Variants in IGSF1 observed in about 807,000 individuals in gnomAD.
The protein encoded by IGSF1 is immunoglobulin superfamily member 1.
A neutral mutation model predicts 95.3 loss-of-function variants in IGSF1; 40 were observed. That is an observed-to-expected ratio of 0.42 (90% CI 0.33 to 0.55). The LOEUF is 0.55. Among genes scored for constraint, IGSF1 ranks in the 20% least tolerant of loss-of-function variants. IGSF1 has a pLI of 0.10. For missense variants in IGSF1, 906 were observed against 1,025.4 expected, an observed-to-expected ratio of 0.88 and a Z score of 1.59; for synonymous variants, 372 against 382.9, an observed-to-expected ratio of 0.97 and a Z score of 0.33.
At position 131,274,128 on chromosome X, in the gene IGSF1, A is replaced by G; in HGVS notation, c.3830T>C (p.Val1277Ala). ...CTTCTTCCACTCTATGGCTAGCACT[A>G]CCCCCAAGGCTACAACAACCACCAC... is the stretch of plus-strand genomic sequence containing the variant. ...LIVVVVVALG[V>A]VLAIEWKKWP... Residue 1277 changes from valine to alanine, a missense_variant, in exon 19 of 20, where the codon GTA (valine) becomes GCA (alanine). Around this residue, in one of 5 missense-constraint regions of IGSF1, gnomAD observed 411 missense variants for 494.9 expected, o/e 0.83. Coordinates refer to ENST00000361420, the MANE Select transcript of IGSF1 (RefSeq NM_001555.5). The G allele has an allele frequency of 8.3e-7, 1 of 1,210,817 alleles. No homozygotes were observed. Among genetic ancestry groups the G allele is most frequent in the Non-Finnish European group, 1.1e-6 (1 of 895,150 alleles).
intron 5 of IGSF1, chrX:131,284,843 G>A: frequency 1.1e-6 from 1 of 877,249 alleles, no homozygotes; most frequent in Non-Finnish European, 1.4e-6. Context: ...CAGTGGCAGT[G>A]CCTGGCACAT....
chrX:131,277,050 G>T lies in IGSF1; in HGVS notation c.2497C>A (p.His833Asn). The T allele has an allele frequency of 8.3e-7, 1 of 1,210,982 alleles. No individual in the cohort carries two copies. The highest frequency in any genetic ancestry group is 1.1e-6 in the Non-Finnish European group (1 of 895,110). ...SWASPGASAA[H>N]FLIISVGIGD... Reference sequence around the variant, plus strand: ...ATGCCCACCGAAATGATTAGAAAGTGAGCTGCACTGGCCCCCGGACTTGCC... The same window carrying T: ...ATGCCCACCGAAATGATTAGAAAGTTAGCTGCACTGGCCCCCGGACTTGCC... Residue 833 changes from histidine (H) to asparagine (N), a missense_variant, in exon 14 of 20, where the codon CAC (histidine) becomes AAC (asparagine). Physicochemically the swap from His to Asn is moderately conservative, Grantham distance 68. Coordinates refer to ENST00000361420, the MANE Select transcript of IGSF1 (RefSeq NM_001555.5).
chrX:131,281,517 G>A lies in IGSF1; in HGVS notation c.1525+149C>T, dbSNP rs779625875. The A allele has an allele frequency of 3.5e-6, 3 of 859,674 alleles. No homozygotes were observed. The African/African-American group carries it at 6.1e-5, about 18-fold the overall frequency. The allele number at this position is 859,674 out of a possible 1,213,427, so 70.8% of individuals were successfully genotyped here. A position where few individuals can be genotyped will look rare whatever the true frequency, so the allele number is the denominator to read the frequency against. ...AAATTATCCTGCTAACTGCCTTTGA[G>A]GAATTGTGAGACCACCCCAGGGGAA... On this transcript the variant is annotated intron_variant, in intron 8 of 19. Transcript: ENST00000361420.
chrX:131,281,308 T>C lies in IGSF1; in HGVS notation c.1556A>G (p.Glu519Gly). The change falls in exon 9 of 20, where the codon GAA becomes GGA. Residue 519 changes from glutamate to glycine, a missense_variant. Glu to Gly is a moderately conservative substitution (Grantham distance 98). Transcript: ENST00000361420. ...CATGATTAGAGACAACCTGATAGCT[T>C]CATTCAGAACGTAATTCCAGGTGAG... ...GYLTWNYVLN[E>G]AIRLSLIMQL... The C allele has an allele frequency of 7.4e-6, 9 of 1,210,959 alleles. No homozygotes were observed. Among genetic ancestry groups the C allele is most frequent in the Non-Finnish European group, 1.0e-5 (9 of 894,851 alleles).
Position 131,282,385 on chromosome X carries a change from A to C in IGSF1, c.1246+59T>G, listed in dbSNP as rs1175775146. On this transcript the variant is annotated intron_variant, in intron 7 of 19. Coordinates refer to ENST00000361420, the MANE Select transcript of IGSF1 (RefSeq NM_001555.5). The stretch of plus-strand genomic sequence containing the variant: ...ATGAGGCTACTAGCTCCTTCTTACA[A>C]CACCACAATGATGATAAAAACAAAC... 3 of 1,019,676 alleles carry C rather than the reference A, an allele frequency of 2.9e-6. No individual in the cohort carries two copies. The African/African-American group carries it at 5.7e-5, about 19-fold the overall frequency. 84.0% of individuals were successfully genotyped at this position (1,019,676 alleles called of 1,213,427 possible). A position where few individuals can be genotyped will look rare whatever the true frequency, so the allele number is the denominator to read the frequency against.
intron 11 of IGSF1, 113 bp downstream of exon 11, chrX:131,279,030 C>A (rs2080515926): frequency 1.2e-6 from 1 of 848,198 alleles, no homozygotes; most frequent in Non-Finnish European, 1.8e-6. Flanking sequence ...AGTGCCCCTT[C>A]CTGGCTGCCC....
In IGSF1 at chrX:131,285,780, C is replaced by A; in HGVS notation, c.366G>T (p.Glu122Asp). The change falls in exon 4 of 20, where the codon GAG (glutamate) becomes GAT (aspartate). Residue 122 changes from glutamate to aspartate, a missense_variant. Coordinates refer to ENST00000361420, the MANE Select transcript of IGSF1 (RefSeq NM_001555.5). Reference sequence around the variant, plus strand: ...CTGTCATCTTACCTGGTGCCTCCAACTCTAGAACTTTACTGGGCTTTGACC... The same window carrying A: ...CTGTCATCTTACCTGGTGCCTCCAAATCTAGAACTTTACTGGGCTTTGACC... The part of the protein sequence containing the change: ...TGWSKPSKVL[E>D]LEAPGQLPKP... The A allele has an allele frequency of 8.3e-7, 1 of 1,209,110 alleles. No individual in the cohort carries two copies. Among genetic ancestry groups the A allele is most frequent in the Non-Finnish European group, 1.1e-6 (1 of 893,813 alleles).
rs975093057 is a variant in IGSF1, at chrX:131,277,977, G to A, written c.2199C>T (p.Ala733=). The A allele has an allele frequency of 1.2e-5, 14 of 1,209,673 alleles. No homozygotes were observed. Among genetic ancestry groups the A allele is most frequent in the Non-Finnish European group, 1.5e-5 (13 of 895,044 alleles). ...CCTCCATTCTCTGGATTGTAAAGAA[G>A]GCTTCTCTTCCAACAGCACCAAGTT... ...VQQLGAVGRE[A]FFTIQRMEDK... The change falls in exon 13 of 20, where the codon GCC becomes GCT. Residue 733 remains alanine (A), a synonymous_variant. Transcript: ENST00000361420.
At chrX:131,284,674 A>G in intron 5 of IGSF1, 10 of 750,826 alleles carry the variant, frequency 1.3e-5, no homozygotes, top group Non-Finnish European at 1.6e-5. Context: ...AAGGTGATTT[A>G]TAAAGCCATT....
intron 9 of IGSF1, chrX:131,280,966 G>T: frequency 3.3e-6 from 1 of 304,534 alleles, no homozygotes; most frequent in Non-Finnish European, 5.9e-6. Context: ...CACCCTCCGG[G>T]GGGGATGTCA....
chrX:131,282,606 G>A lies in IGSF1; in HGVS notation c.1084C>T (p.Pro362Ser), dbSNP rs762906079. The part of the protein sequence containing the change: ...LALYKKGEDK[P>S]LQFLDATSID... ...CTGGTGGCATCCAAAAATTGAAGTGGTTTGTCTTCTCCTTTCTTATAGAGT... is the reference window on the plus strand; with the variant it reads ...CTGGTGGCATCCAAAAATTGAAGTGATTTGTCTTCTCCTTTCTTATAGAGT... The change falls in exon 7 of 20, where the codon CCA (proline) becomes TCA (serine). Residue 362 changes from proline to serine, a missense_variant. Pro to Ser is a moderately conservative substitution (Grantham distance 74). Transcript: ENST00000361420. The A allele has an allele frequency of 3.6e-5, 44 of 1,210,666 alleles. No individual in the cohort carries two copies. The highest frequency in any genetic ancestry group is 5.9e-5 in the East Asian group (2 of 33,814).
Position 131,278,592 on chromosome X carries a change from G to A in IGSF1, c.1910C>T (p.Ala637Val), listed in dbSNP as rs1182523055. Residue 637 changes from alanine (A) to valine (V), a missense_variant, in exon 12 of 20, where the codon GCC becomes GTC. By Grantham distance (64) the Ala-to-Val change is moderately conservative. Coordinates refer to ENST00000361420, the MANE Select transcript of IGSF1 (RefSeq NM_001555.5). Reference protein sequence around the residue: ...DGTGWIATRPASEQVRAAFPL... With the variant: ...DGTGWIATRPVSEQVRAAFPL... ...GAAGGCAGCCCGGACCTGCTCTGAGGCCGGGCGAGTGGCGATCCACCCGGT... is the reference window on the plus strand; with the variant it reads ...GAAGGCAGCCCGGACCTGCTCTGAGACCGGGCGAGTGGCGATCCACCCGGT... 4 of 1,209,715 alleles carry A rather than the reference G, an allele frequency of 3.3e-6. No individual in the cohort carries two copies. In the African/African-American group the frequency reaches 5.2e-5, roughly 16 times the overall value.
rs2080564856 is a variant in IGSF1 at position 131,281,820 on chromosome X, T to A, written c.1371A>T (p.Arg457Ser). The A allele has an allele frequency of 8.3e-7, 1 of 1,209,128 alleles. No individual in the cohort carries two copies. Among genetic ancestry groups the A allele is most frequent in the Non-Finnish European group, 1.1e-6 (1 of 894,566 alleles). Residue 457 changes from arginine (R) to serine (S), a missense_variant, in exon 8 of 20, where the codon AGA becomes AGT. Transcript: ENST00000361420. ...TTACTGAGAATTTTTGGAATGTTTC[T>A]CTTTCTTCCCATTCCAGAGAAAATT... ...VLEFSLEWEE[R>S]ETFQKFSVNG...
intron 1 of IGSF1, among the ~76,000 whole-genome samples, chrX:131,287,828 G>A (rs772876418): frequency 7.2e-5 from 8 of 111,494 alleles, no homozygotes; most frequent in East Asian, 2.8e-4. Context: ...TCCCAGCCAC[G>A]CAAACTCAAG....
intron 11 of IGSF1, 138 bp downstream of exon 11, chrX:131,279,005 C>T (rs2080515585): frequency 1.4e-6 from 1 of 736,503 alleles, no homozygotes; most frequent in Non-Finnish European, 2.1e-6. Flanking sequence ...CTGAATTTTG[C>T]CAGCAGCTTT....
chrX:131,277,893 C>A lies in IGSF1; in HGVS notation c.2283G>T (p.Trp761Cys). 1 of 1,210,388 alleles carries A rather than the reference C, an allele frequency of 8.3e-7. No homozygotes were observed. Among genetic ancestry groups the A allele is most frequent in the Non-Finnish European group, 1.1e-6 (1 of 895,240 alleles). Residue 761 changes from tryptophan (W) to cysteine (C), a missense_variant, in exon 13 of 20, where the codon TGG becomes TGT. Coordinates refer to ENST00000361420, the MANE Select transcript of IGSF1 (RefSeq NM_001555.5). Reference protein sequence around the residue: ...RTHTEKRPFKWSEPSEPLELV... With the variant: ...RTHTEKRPFKCSEPSEPLELV... ...GCTCCAGCGGCTCACTGGGCTCAGACCACTTGAAGGGGCGTTTTTCAGTGT... is the reference window on the plus strand; with the variant it reads ...GCTCCAGCGGCTCACTGGGCTCAGAACACTTGAAGGGGCGTTTTTCAGTGT...
At chrX:131,282,924 G>A in intron 6 of IGSF1, 56 bp downstream of exon 6, 5 of 1,044,635 alleles carry the variant, frequency 4.8e-6, no homozygotes, top group Non-Finnish European at 6.6e-6. Flanking sequence ...GGAGCACAGA[G>A]GGAGATTTAT....
intron 3 of IGSF1, 42 bp downstream of exon 3, chrX:131,286,395 T>C (rs775433133): frequency 9.1e-7 from 1 of 1,100,223 alleles, no homozygotes; most frequent in Non-Finnish European, 1.3e-6. Context: ...GCATCTTGGA[T>C]CCTTTAGGAA....
Position 131,277,907 on chromosome X carries a change from G to A in IGSF1, c.2269C>T (p.Arg757Cys), listed in dbSNP as rs750533250. 1 of 1,210,473 alleles carries A rather than the reference G, an allele frequency of 8.3e-7. No individual in the cohort carries two copies. The highest frequency in any genetic ancestry group is 1.1e-6 in the Non-Finnish European group (1 of 895,162). The change falls in exon 13 of 20, where the codon CGC becomes TGC. Residue 757 changes from arginine to cysteine, a missense_variant. This residue lies in a region of IGSF1 where 411 missense variants were observed against 494.9 expected (regional missense o/e 0.83). Transcript: ENST00000361420. ...CTGGGCTCAGACCACTTGAAGGGGC[G>A]TTTTTCAGTGTGAGTGCGGCAGCTG... is the stretch of plus-strand genomic sequence containing the variant. ...NYSCRTHTEKRPFKWSEPSEP... is the reference protein window; with the variant it reads ...NYSCRTHTEKCPFKWSEPSEP...
Sources: allele counts gnomAD v4.1 joint callset (sites outside exome capture counted in the v4.1 genomes callset), GRCh38; gene constraint gnomAD v4.1.1; regional missense constraint gnomAD v4.1.1; transcripts MANE v1.5; gene names NCBI Gene and HGNC (gene_info 2026-07-23, HGNC 2026-07-21).